Variants in STK3 observed in about 807,000 individuals in gnomAD.
The protein encoded by STK3 is serine/threonine kinase 3.
A neutral mutation model predicts 58.0 loss-of-function variants in STK3; 41 were observed. The observed-to-expected ratio is 0.71, with a 90% CI of 0.55 to 0.92. The LOEUF is 0.92. STK3 is among the 40% of genes least tolerant of loss of function. The probability of loss-of-function intolerance (pLI) is 0.00; values close to 1 mark genes in which losing one functional copy is unlikely to be tolerated. For synonymous variants in STK3, 170 were observed against 191.0 expected, an observed-to-expected ratio of 0.89 and a Z score of 0.91; for missense variants, 479 against 602.7, an observed-to-expected ratio of 0.79 and a Z score of 2.15.
At chr8:98,593,342 T>C (rs1815498644) in intron 7 of STK3, among the ~76,000 whole-genome samples, 1 of 152,356 alleles carries the variant, frequency 6.6e-6, no homozygotes, top group East Asian at 1.9e-4. Flanking sequence ...TATTGTTTCT[T>C]TGTTTACTGG....
At chr8:98,583,201 A>T (rs912508219) in intron 7 of STK3, among the ~76,000 whole-genome samples, 1 of 152,198 alleles carries the variant, frequency 6.6e-6, no homozygotes, top group Non-Finnish European at 1.5e-5. Context: ...AATAACAAAA[A>T]TACCAATACC....
chr8:98,629,806 C>T (rs1319263944), intron 6 of STK3, among the ~76,000 whole-genome samples: 3 of 152,194 alleles, frequency 2.0e-5, no homozygotes, highest in Non-Finnish European at 4.4e-5. Flanking sequence ...TCTTAGACAG[C>T]AAACTACCCC....
At chr8:98,748,717 AAACAT>A (rs1299195396) in intron 4 of STK3, among the ~76,000 whole-genome samples, 1 of 152,048 alleles carries the variant, frequency 6.6e-6, no homozygotes, top group Non-Finnish European at 1.5e-5. Flanking sequence ...GTTAGAGTTA[AAACAT>A]AACCATAAAA....
At chr8:98,807,417 C>T (rs921507796) in intron 1 of STK3, among the ~76,000 whole-genome samples, 11 of 151,920 alleles carry the variant, frequency 7.2e-5, no homozygotes, top group Non-Finnish European at 8.8e-5. Flanking sequence ...CTACCATGCT[C>T]GGTTAATTTT....
intron 6 of STK3, among the ~76,000 whole-genome samples, chr8:98,641,387 C>T (rs1209620939): frequency 6.6e-6 from 1 of 152,146 alleles, no homozygotes; most frequent in African/African-American, 2.4e-5. Context: ...CAGTTCTACA[C>T]CATTTTGTCA....
chr8:98,359,964 A>T, the STK3 span, among the ~76,000 whole-genome samples: 3 of 152,124 alleles, frequency 2.0e-5, no homozygotes, highest in Non-Finnish European at 4.4e-5. Flanking sequence ...GGGGCATGGG[A>T]AGGGTAAACA....
In STK3 at chr8:98,621,236, G is replaced by A. The variant is rs552128617; in HGVS notation, c.685-25067C>T. On this transcript the variant is annotated intron_variant, in intron 6 of 10. Coordinates refer to ENST00000419617, the MANE Select transcript of STK3 (RefSeq NM_006281.4). ...ATTACAGGCATGAGCCACCGCGCCC[G>A]GCCAACAACTGATTTTTATATCTTG... 5.3e-5 allele frequency among the ~76,000 whole-genome samples: 8 copies of A among 152,254 alleles called. No individual in the cohort carries two copies. The South Asian group carries it at 1.2e-3, about 24-fold the overall frequency.
intron 1 of STK3, among the ~76,000 whole-genome samples, chr8:98,791,983 C>T (rs1832831405): frequency 2.0e-5 from 3 of 152,184 alleles, no homozygotes; most frequent in Non-Finnish European, 1.5e-5. Flanking sequence ...AACTAAAGAG[C>T]TTTTGCACGA....
chr8:98,876,347 T>C (rs771415353), intron 3 of STK3, among the ~76,000 whole-genome samples: 39 of 152,230 alleles, frequency 2.6e-4, no homozygotes, highest in South Asian at 2.1e-4. Context: ...ATTGTTTTCA[T>C]GTTTTCTTAC....
chr8:98,404,509 T>C (rs564784656), intron 3 of STK3, among the ~76,000 whole-genome samples: 16 of 151,842 alleles, frequency 1.1e-4, no homozygotes, highest in South Asian at 6.3e-4. Context: ...TGAAACCCCG[T>C]CTCTACTAAA....
intron 6 of STK3, among the ~76,000 whole-genome samples, chr8:98,622,905 A>G (rs551103169): frequency 5.9e-5 from 9 of 152,358 alleles, no homozygotes; most frequent in African/African-American, 2.2e-4. Context: ...ACAATAATAA[A>G]TTACATGGGA....
chr8:98,510,180 A>G (rs935415097), intron 10 of STK3, among the ~76,000 whole-genome samples: 1 of 152,120 alleles, frequency 6.6e-6, no homozygotes, highest in African/African-American at 2.4e-5. Context: ...TCTGTAAAGA[A>G]GAATTACTAG....
the STK3 span, among the ~76,000 whole-genome samples, chr8:98,361,616 G>T: frequency 6.6e-6 from 1 of 152,170 alleles, no homozygotes; most frequent in Non-Finnish European, 1.5e-5. Flanking sequence ...TTTAACATCT[G>T]TTTGGGTTGC....
chr8:98,730,331 C>T (rs1176651861), intron 4 of STK3, among the ~76,000 whole-genome samples: 1 of 152,212 alleles, frequency 6.6e-6, no homozygotes, highest in African/African-American at 2.4e-5. Context: ...TGTTCCCTCA[C>T]ACCCACCCAA....
At chr8:98,768,680 G>A (rs994993295) in intron 2 of STK3, among the ~76,000 whole-genome samples, 8 of 152,164 alleles carry the variant, frequency 5.3e-5, no homozygotes, top group Non-Finnish European at 1.2e-4. Flanking sequence ...TCCTTTCTAA[G>A]GACTCCTCAG....
intron 6 of STK3, among the ~76,000 whole-genome samples, chr8:98,653,238 T>G (rs1202302310): frequency 6.6e-6 from 1 of 152,108 alleles, no homozygotes; most frequent in Non-Finnish European, 1.5e-5. Flanking sequence ...GACTACTGGG[T>G]ACATAACGAA....
chr8:98,476,220 G>A (rs1821299972), intron 10 of STK3, among the ~76,000 whole-genome samples: 1 of 152,184 alleles, frequency 6.6e-6, no homozygotes, highest in Non-Finnish European at 1.5e-5. Flanking sequence ...GGCATGCAAG[G>A]AAGGTGAGAA....
chr8:98,561,498 A>G (rs1366215770), intron 8 of STK3, among the ~76,000 whole-genome samples: 1 of 152,080 alleles, frequency 6.6e-6, no homozygotes, highest in Non-Finnish European at 1.5e-5. Context: ...AGCTGGTATC[A>G]TCATAATAAA....
At chr8:98,733,483 G>A (rs916516707) in intron 4 of STK3, among the ~76,000 whole-genome samples, 1 of 152,166 alleles carries the variant, frequency 6.6e-6, no homozygotes, top group African/African-American at 2.4e-5. Context: ...CACTCCTTAT[G>A]AGAATCTAAT....
Sources: gnomAD v4.1 joint callset for allele counts (sites outside exome capture counted in the v4.1 genomes callset) on GRCh38, gnomAD v4.1.1 for gene constraint, MANE v1.5 for transcripts, NCBI Gene and HGNC (gene_info 2026-07-23, HGNC 2026-07-21) for gene names.